ADAM2: variants seen among roughly 807,000 people sequenced by gnomAD.
ADAM2 encodes ADAM metallopeptidase domain 2, also known as disintegrin and metalloproteinase domain-containing protein 2.
ADAM2 carries 101 observed loss-of-function variants against 99.3 expected under a neutral mutation model. That is an observed-to-expected ratio of 1.02 (90% CI 0.87 to 1.20). ADAM2 has a LOEUF of 1.20. Among genes scored for constraint, ADAM2 ranks in the 50% most tolerant of loss-of-function variants. ADAM2 has a pLI of 0.00. For synonymous variants in ADAM2, 323 were observed against 287.6 expected, an observed-to-expected ratio of 1.12 and a Z score of -1.25; for missense variants, 948 against 878.7, an observed-to-expected ratio of 1.08 and a Z score of -1.00.
At chr8:39,834,576 A>G (rs1426240492) in intron 2 of ADAM2, among the ~76,000 whole-genome samples, 2 of 151,956 alleles carry the variant, frequency 1.3e-5, no homozygotes, top group Non-Finnish European at 2.9e-5. Flanking sequence ...CTACTAAAAG[A>G]TGCAAAAAAT....
intron 10 of ADAM2, among the ~76,000 whole-genome samples, chr8:39,780,194 G>A (rs528426072): frequency 4.6e-5 from 7 of 151,976 alleles, no homozygotes; most frequent in African/African-American, 1.2e-4. Context: ...AAAGCATCAG[G>A]TCTCATAAGA....
chr8:39,788,901 A>G (rs1406621215), intron 7 of ADAM2, among the ~76,000 whole-genome samples, 161 bp from the exon 8 acceptor site: 2 of 151,642 alleles, frequency 1.3e-5, no homozygotes, highest in Admixed American at 6.6e-5. Flanking sequence ...TATATGTTAT[A>G]TGTTCAGTAT....
chr8:39,831,455 C>A (rs188211806), intron 3 of ADAM2, among the ~76,000 whole-genome samples: 1 of 152,048 alleles, frequency 6.6e-6, no homozygotes, highest in African/African-American at 2.4e-5. Flanking sequence ...TTCACTCAAA[C>A]GAGCTCATCA....
chr8:39,771,926 T>C (rs985433624), intron 11 of ADAM2, among the ~76,000 whole-genome samples: 2 of 152,018 alleles, frequency 1.3e-5, no homozygotes, highest in Non-Finnish European at 2.9e-5. Context: ...ATTAACATTG[T>C]CATTAGAAAG....
intron 7 of ADAM2, among the ~76,000 whole-genome samples, chr8:39,808,559 A>C (rs1457701926): frequency 2.6e-5 from 4 of 152,160 alleles, no homozygotes; most frequent in African/African-American, 9.7e-5. Flanking sequence ...TTTTGCAGAA[A>C]TGGATAAGGT....
chr8:39,769,872 C>T (rs1211726501), intron 11 of ADAM2, among the ~76,000 whole-genome samples: 1 of 152,008 alleles, frequency 6.6e-6, no homozygotes, highest in African/African-American at 2.4e-5. Context: ...CATTTGTGCT[C>T]TTTCTTTTTA....
chr8:39,823,529 G>GT (rs1007943834), intron 4 of ADAM2, among the ~76,000 whole-genome samples: 232 of 143,202 alleles, frequency 1.6e-3, no homozygotes, highest in South Asian at 3.8e-3. Context: ...ATTCTTGCTT[G>GT]TTTTTTTTTT....
intron 7 of ADAM2, among the ~76,000 whole-genome samples, chr8:39,789,493 C>A (rs984609757): frequency 3.3e-5 from 5 of 151,616 alleles, no homozygotes; most frequent in Non-Finnish European, 7.4e-5. Context: ...ATGTCCATAA[C>A]AATTTTAAAT....
intron 4 of ADAM2, among the ~76,000 whole-genome samples, chr8:39,824,143 C>T (rs1036691395): frequency 1.3e-5 from 2 of 151,786 alleles, no homozygotes; most frequent in Non-Finnish European, 2.9e-5. Flanking sequence ...ATTAGCCGGG[C>T]ATGGTGACAC....
chr8:39,751,466 GT>G (rs1342092391), intron 16 of ADAM2, among the ~76,000 whole-genome samples: 5 of 151,912 alleles, frequency 3.3e-5, no homozygotes, highest in South Asian at 2.1e-4. Context: ...GTTTTTGTGG[GT>G]TTTTTTGTTT....
At chr8:39,781,225 T>C (rs12681344) in intron 10 of ADAM2, among the ~76,000 whole-genome samples, 56,067 of 152,062 alleles carry the variant, frequency 0.37, 10,947 homozygotes, top group South Asian at 0.6. Context: ...TATGTATACT[T>C]ATGTGAAAAC....
chr8:39,802,105 CACTAGG>C (rs1804240548), intron 7 of ADAM2, among the ~76,000 whole-genome samples: 1 of 152,214 alleles, frequency 6.6e-6, no homozygotes, highest in Admixed American at 6.5e-5. Flanking sequence ...ATGGTTGAGA[CACTAGG>C]CCCCAGTGGC....
chr8:39,825,403 TTGA>T (rs1040485010), intron 3 of ADAM2, among the ~76,000 whole-genome samples: 2 of 152,216 alleles, frequency 1.3e-5, no homozygotes, highest in African/African-American at 2.4e-5. Context: ...TTCATCTCAT[TTGA>T]TGATAATATA....
intron 16 of ADAM2, 83 bp from the exon 17 acceptor site, chr8:39,749,827 A>T: frequency 1.0e-6 from 1 of 987,726 alleles, no homozygotes; most frequent in Non-Finnish European, 1.6e-6. Flanking sequence ...ACCATACCAT[A>T]TTACCATGGA....
intron 7 of ADAM2, among the ~76,000 whole-genome samples, chr8:39,789,432 C>A (rs780331353): frequency 3.3e-5 from 5 of 151,524 alleles, no homozygotes; most frequent in Non-Finnish European, 5.9e-5. Flanking sequence ...TTTTAAGTGC[C>A]CATGGATCAT....
chr8:39,795,721 C>G (rs184831165), intron 7 of ADAM2, among the ~76,000 whole-genome samples: 183 of 152,262 alleles, frequency 1.2e-3, no homozygotes, highest in African/African-American at 3.9e-3. Flanking sequence ...AGGGCATGTT[C>G]TTAACCTTGG....
intron 1 of ADAM2, among the ~76,000 whole-genome samples, chr8:39,837,853 A>C (rs1805903750): frequency 6.6e-6 from 1 of 152,138 alleles, no homozygotes; most frequent in South Asian, 2.1e-4. Context: ...CTGTCGTGAA[A>C]AATGCAAAGC....
At position 39,788,200 on chromosome 8, in the gene ADAM2, T is replaced by C; in HGVS notation, c.694A>G (p.Ile232Val). 1 of 1,573,770 alleles carries C rather than the reference T, an allele frequency of 6.4e-7. No individual in the cohort carries two copies. The highest frequency in any genetic ancestry group is 8.7e-7 in the Non-Finnish European group (1 of 1,153,616). ...TIILSSLELW[I>V]DENKIATTGE... ...GTGGTTGCAATTTTATTTTCATCTA[T>C]CCAAAGCTCCAATGAAGACAGAATA... Residue 232 changes from isoleucine (I) to valine (V), a missense_variant, in exon 9 of 21, where the codon ATA becomes GTA. Transcript: ENST00000265708.
chr8:39,777,221 A>G, intron 10 of ADAM2, 60 bp from the exon 11 acceptor site: 1 of 1,353,770 alleles, frequency 7.4e-7, no homozygotes, highest in Non-Finnish European at 1.0e-6. Flanking sequence ...TGGGAGAACA[A>G]TGCAATTATT....
Sources: allele counts gnomAD v4.1 joint callset (sites outside exome capture counted in the v4.1 genomes callset), GRCh38; gene constraint gnomAD v4.1.1; transcripts MANE v1.5; gene names NCBI Gene and HGNC (gene_info 2026-07-23, HGNC 2026-07-21).